The following PPP2R2B variants were observed in gnomAD, a reference collection of about 807,000 sequenced individuals.
The protein encoded by PPP2R2B is protein phosphatase 2 regulatory subunit Bbeta.
In PPP2R2B, 5 loss-of-function variants were observed where a neutral mutation model predicts 46.0. The ratio of observed to expected loss-of-function variants is 0.11; its 90% CI spans 0.06 to 0.23. The LOEUF is 0.23. Among genes scored for constraint, PPP2R2B ranks in the 10% least tolerant of loss-of-function variants. PPP2R2B has a pLI of 1.00. For missense variants in PPP2R2B, 367 were observed against 575.0 expected, an observed-to-expected ratio of 0.64 and a Z score of 3.70; for synonymous variants, 215 against 206.7, an observed-to-expected ratio of 1.04 and a Z score of -0.34.
intron 1 of PPP2R2B, among the ~76,000 whole-genome samples, chr5:146,887,831 G>A (rs959413065): frequency 1.3e-5 from 2 of 152,198 alleles, no homozygotes; most frequent in African/African-American, 4.8e-5. Context: ...TAAAGGTACA[G>A]TTTGTAGGCA....
chr5:147,029,089 CTG>C (rs1376966230), intron 1 of PPP2R2B, among the ~76,000 whole-genome samples: 1 of 152,134 alleles, frequency 6.6e-6, no homozygotes, highest in African/African-American at 2.4e-5. Context: ...TTTTTCTACA[CTG>C]TGTCTTGCCT....
At chr5:146,921,460 C>T (rs749081661) in intron 1 of PPP2R2B, among the ~76,000 whole-genome samples, 1 of 152,162 alleles carries the variant, frequency 6.6e-6, no homozygotes, top group Non-Finnish European at 1.5e-5. Flanking sequence ...ACTCGCATTC[C>T]CTAGAGCACA....
intron 2 of PPP2R2B, among the ~76,000 whole-genome samples, chr5:146,806,321 G>C (rs1310558241): frequency 6.6e-6 from 1 of 152,158 alleles, no homozygotes; most frequent in Non-Finnish European, 1.5e-5. Context: ...CTCCCTGATA[G>C]TTTGATGCTT....
chr5:146,638,431 C>A lies in PPP2R2B; in HGVS notation c.626-16G>T, dbSNP rs762354774. 3 of 1,568,864 alleles carry A rather than the reference C, an allele frequency of 1.9e-6. No individual in the cohort carries two copies. Among genetic ancestry groups the A allele is most frequent in the Non-Finnish European group, 2.6e-6 (3 of 1,147,312 alleles). On this transcript the variant is annotated splice_polypyrimidine_tract_variant and intron_variant, in intron 6 of 9. Transcript: ENST00000394411. ...TCCACAATATCTGGCACAGACGAGT[C>A]AAGGAAGGAACCAGGAGAAGGAGGC...
At chr5:147,034,781 A>T (rs149698342) in intron 1 of PPP2R2B, among the ~76,000 whole-genome samples, 8 of 152,318 alleles carry the variant, frequency 5.3e-5, no homozygotes, top group South Asian at 2.1e-4. Flanking sequence ...TATAGATAAG[A>T]TGTATGAGTT....
At chr5:146,686,640 T>C (rs955942743) in intron 5 of PPP2R2B, among the ~76,000 whole-genome samples, 1 of 152,242 alleles carries the variant, frequency 6.6e-6, no homozygotes, top group South Asian at 2.1e-4. Context: ...ACCTTCATTT[T>C]GGGAAGGTTA....
intron 4 of PPP2R2B, among the ~76,000 whole-genome samples, 156 bp downstream of exon 4, chr5:146,697,823 T>G (rs1561840859): frequency 6.6e-6 from 1 of 152,228 alleles, no homozygotes; most frequent in Non-Finnish European, 1.5e-5. Flanking sequence ...GGGCCGAATC[T>G]GTGTGTGCCA....
intron 2 of PPP2R2B, among the ~76,000 whole-genome samples, chr5:146,744,756 T>C (rs1245315513): frequency 1.3e-5 from 2 of 152,204 alleles, no homozygotes; most frequent in Non-Finnish European, 2.9e-5. Flanking sequence ...GTGGATCTTA[T>C]TGAGAATAGC....
intron 2 of PPP2R2B, among the ~76,000 whole-genome samples, chr5:146,820,602 G>A (rs1421320905): frequency 2.0e-5 from 3 of 152,046 alleles, no homozygotes; most frequent in East Asian, 1.9e-4. Context: ...TGCTGTTTGG[G>A]GATATTTTCT....
chr5:146,830,611 G>A (rs546378901), intron 2 of PPP2R2B, among the ~76,000 whole-genome samples: 3 of 150,388 alleles, frequency 2.0e-5, no homozygotes, highest in African/African-American at 7.3e-5. Context: ...TGCAATCCCC[G>A]ACTCCCGGGT....
At chr5:146,827,124 T>C (rs1447441975) in intron 2 of PPP2R2B, among the ~76,000 whole-genome samples, 1 of 152,164 alleles carries the variant, frequency 6.6e-6, no homozygotes, top group African/African-American at 2.4e-5. Flanking sequence ...TACCGTATCC[T>C]TGGGACCAAG....
chr5:146,831,421 C>T (rs187970360), intron 2 of PPP2R2B, among the ~76,000 whole-genome samples: 34 of 144,962 alleles, frequency 2.3e-4, no homozygotes, highest in Non-Finnish European at 3.3e-4. Context: ...CACTTGAACC[C>T]GGAAGACTGA....
intron 1 of PPP2R2B, among the ~76,000 whole-genome samples, chr5:146,886,870 T>G (rs1418115854): frequency 6.6e-6 from 1 of 151,794 alleles, no homozygotes; most frequent in Non-Finnish European, 1.5e-5. Context: ...AAATACTTTA[T>G]AGGATGAAAC....
chr5:146,828,261 T>TTTA (rs1491559113), intron 2 of PPP2R2B, among the ~76,000 whole-genome samples: 1 of 147,586 alleles, frequency 6.8e-6, no homozygotes, highest in African/African-American at 2.5e-5. Context: ...TTACTTTTTT[T>TTTA]AAAAAAAAAA....
chr5:146,693,582 C>T (rs1490974902), intron 4 of PPP2R2B, among the ~76,000 whole-genome samples: 2 of 152,118 alleles, frequency 1.3e-5, no homozygotes, highest in Non-Finnish European at 2.9e-5. Context: ...ATAGAACACC[C>T]AGTTAAGTTT....
intron 1 of PPP2R2B, among the ~76,000 whole-genome samples, chr5:146,990,668 C>T (rs887432597): frequency 6.6e-5 from 10 of 151,860 alleles, no homozygotes; most frequent in East Asian, 3.9e-4. Flanking sequence ...AAAGATTTTT[C>T]GAATAAGACT....
chr5:146,942,605 G>C (rs1436935368), intron 1 of PPP2R2B, among the ~76,000 whole-genome samples: 2 of 152,108 alleles, frequency 1.3e-5, no homozygotes, highest in Non-Finnish European at 2.9e-5. Flanking sequence ...TTATACACTA[G>C]AAAGAATGGA....
At chr5:146,780,964 C>T (rs2151282264) in intron 2 of PPP2R2B, among the ~76,000 whole-genome samples, 1 of 151,688 alleles carries the variant, frequency 6.6e-6, no homozygotes, top group East Asian at 1.9e-4. Context: ...ATACAGTTTT[C>T]AGTGCCAAAG....
chr5:146,852,758 T>A (rs1760423787), intron 2 of PPP2R2B, among the ~76,000 whole-genome samples: 1 of 152,098 alleles, frequency 6.6e-6, no homozygotes, highest in African/African-American at 2.4e-5. Flanking sequence ...AAGTTCACAA[T>A]ACGATGGCTG....
Sources: allele counts gnomAD v4.1 joint callset (sites outside exome capture counted in the v4.1 genomes callset), GRCh38; gene constraint gnomAD v4.1.1; transcripts MANE v1.5; gene names NCBI Gene and HGNC (gene_info 2026-07-23, HGNC 2026-07-21).